SPECC1L: variants seen among roughly 807,000 people sequenced by gnomAD.
SPECC1L encodes the protein cytospin-A.
Under a neutral mutation model 116.8 loss-of-function variants are expected in SPECC1L, and 40 were observed. That is an observed-to-expected ratio of 0.34 (90% CI 0.27 to 0.45). The LOEUF (loss-of-function observed/expected upper bound fraction) is 0.45, where lower values mean the gene tolerates loss of function less well. Among genes scored for constraint, SPECC1L ranks in the 20% least tolerant of loss-of-function variants. SPECC1L has a pLI of 1.00. For missense variants in SPECC1L, 1,110 were observed against 1,373.6 expected (o/e 0.81, Z 3.03); for synonymous variants, 504 against 500.6 (o/e 1.01, Z -0.09).
chr22:24,308,541 G>A (rs1404126587), intron 3 of SPECC1L, among the ~76,000 whole-genome samples: 1 of 152,162 alleles, frequency 6.6e-6, no homozygotes, highest in Admixed American at 6.6e-5. Context: ...TCCATTGTGG[G>A]GGATGTTAAC....
intron 11 of SPECC1L, 73 bp from the exon 12 acceptor site, chr22:24,363,188 C>T (rs2041678675): frequency 7.4e-7 from 1 of 1,347,546 alleles, no homozygotes; most frequent in South Asian, 1.2e-5. Flanking sequence ...GTAAAACTCA[C>T]CTTCTTTGTA....
chr22:24,409,969 C>T (rs749379003), intron 14 of SPECC1L, among the ~76,000 whole-genome samples: 23 of 152,196 alleles, frequency 1.5e-4, no homozygotes, highest in South Asian at 2.1e-4. Flanking sequence ...CCGTCAAGGC[C>T]GCAGTGAGTC....
intron 14 of SPECC1L, among the ~76,000 whole-genome samples, chr22:24,406,680 T>C (rs1424467288): frequency 6.6e-6 from 1 of 152,186 alleles, no homozygotes; most frequent in Non-Finnish European, 1.5e-5. Flanking sequence ...GCCATTTCTC[T>C]GGTGATTCCA....
intron 12 of SPECC1L, 137 bp downstream of exon 12, chr22:24,363,481 C>A: frequency 1.3e-6 from 1 of 779,412 alleles, no homozygotes; most frequent in Non-Finnish European, 2.2e-6. Flanking sequence ...CTCACCTTGG[C>A]CTTCCAAAGT....
At chr22:24,407,336 A>G (rs778136279) in intron 14 of SPECC1L, among the ~76,000 whole-genome samples, 30 of 152,178 alleles carry the variant, frequency 2.0e-4, no homozygotes, top group Non-Finnish European at 3.1e-4. Flanking sequence ...CGGAGGTTCC[A>G]GGTGGGGCGG....
chr22:24,351,982 C>G (rs2041434172), intron 11 of SPECC1L, among the ~76,000 whole-genome samples: 1 of 149,698 alleles, frequency 6.7e-6, no homozygotes, highest in Middle Eastern at 3.5e-3. Flanking sequence ...GAGCGAGACT[C>G]TGTCTCAAAA....
chr22:24,350,617 C>G (rs1170587151), intron 11 of SPECC1L, among the ~76,000 whole-genome samples: 1 of 152,162 alleles, frequency 6.6e-6, no homozygotes, highest in African/African-American at 2.4e-5. Flanking sequence ...TAGCTGCCAG[C>G]AAATAACTAA....
rs199714388 is a variant in SPECC1L, at chr22:24,365,564, G to A, written c.2916G>A (p.Thr972=). The A allele has an allele frequency of 1.7e-4, 269 of 1,614,182 alleles. 1 individual carries two copies. Among genetic ancestry groups the A allele is most frequent in the Non-Finnish European group, 2.1e-4 (245 of 1,180,034 alleles). Residue 972 remains threonine, a synonymous_variant, in exon 13 of 17, where the codon ACG becomes ACA. Transcript: ENST00000314328. ...SPASLMAMGT[T]SPQLSLSSSP... is the part of the protein sequence containing the mutation. Reference sequence around the variant, plus strand: ...CCTCTCTGATGGCTATGGGAACCACGTCTCCACAGCTTTCCCTGTCCTCTT... The same window carrying A: ...CCTCTCTGATGGCTATGGGAACCACATCTCCACAGCTTTCCCTGTCCTCTT...
At chr22:24,398,294 G>A (rs2042405226) in intron 14 of SPECC1L, among the ~76,000 whole-genome samples, 1 of 152,072 alleles carries the variant, frequency 6.6e-6, no homozygotes, top group African/African-American at 2.4e-5. Flanking sequence ...ATGTCATTTT[G>A]TTAAATCTTC....
intron 2 of SPECC1L, among the ~76,000 whole-genome samples, chr22:24,277,272 C>T (rs528338735): frequency 1.1e-4 from 16 of 152,334 alleles, no homozygotes; most frequent in African/African-American, 3.8e-4. Flanking sequence ...CTCCCAGTCT[C>T]CGGTACCCTA....
chr22:24,316,980 C>T (rs1268196765), intron 4 of SPECC1L, among the ~76,000 whole-genome samples: 1 of 119,398 alleles, frequency 8.4e-6, no homozygotes, highest in Non-Finnish European at 1.9e-5. Context: ...CCAGTAGGGG[C>T]GGCCGGGCAG....
intron 14 of SPECC1L, among the ~76,000 whole-genome samples, chr22:24,382,816 T>C (rs2042087323): frequency 6.6e-6 from 1 of 151,538 alleles, no homozygotes; most frequent in Non-Finnish European, 1.5e-5. Context: ...AGCCCAGCAG[T>C]TCGAGGTTAC....
intron 14 of SPECC1L, among the ~76,000 whole-genome samples, chr22:24,405,329 A>AGG (rs2042564478): frequency 1.3e-5 from 2 of 151,916 alleles, no homozygotes; most frequent in Admixed American, 1.3e-4. Flanking sequence ...CATGTGCAGC[A>AGG]ACACATGGAG....
At position 24,317,600 on chromosome 22, in the gene SPECC1L, C is replaced by T. The variant is rs1327657325; in HGVS notation, c.308-3688C>T. ...TCGCCTCCCGGACGGGGCGGCTGGC[C>T]GGGCGGGGGGCTGATCCCCCCACCT... On this transcript the variant is annotated intron_variant, in intron 4 of 16. Coordinates refer to ENST00000314328, the MANE Select transcript of SPECC1L (RefSeq NM_015330.6). 1.6e-3 allele frequency among the ~76,000 whole-genome samples: 234 copies of T among 142,212 alleles called. 2 individuals are homozygous for T. The highest frequency in any genetic ancestry group is 2.8e-3 in the Non-Finnish European group (181 of 64,726). 93.3% of individuals were successfully genotyped at this position (142,212 alleles called of 152,430 possible). A position where few individuals can be genotyped will look rare whatever the true frequency, so the allele number is the denominator to read the frequency against.
rs200934913 is a variant in SPECC1L at position 24,302,248 on chromosome 22, G to A, written c.17G>A (p.Arg6Lys). Residue 6 changes from arginine (R) to lysine (K), a missense_variant, in exon 3 of 17, where the codon AGG (arginine) becomes AAG (lysine). Physicochemically the swap from Arg to Lys is conservative, Grantham distance 26 (BLOSUM62 2). Coordinates refer to ENST00000314328, the MANE Select transcript of SPECC1L (RefSeq NM_015330.6). The stretch of plus-strand genomic sequence containing the variant: ...CAGCCCAGAATGAAGAAAGCAAGCA[G>A]GAGTGTTGGCTCAGTGCCTAAAGTG... MKKASRSVGSVPKVSA... is the reference protein window; with the variant it reads MKKASKSVGSVPKVSA... The A allele has an allele frequency of 1.9e-5, 30 of 1,614,108 alleles. No individual in the cohort carries two copies. The highest frequency in any genetic ancestry group is 2.5e-5 in the Non-Finnish European group (29 of 1,180,014).
At chr22:24,291,299 C>T (rs985073447) in intron 2 of SPECC1L, among the ~76,000 whole-genome samples, 1 of 152,210 alleles carries the variant, frequency 6.6e-6, no homozygotes, top group Admixed American at 6.5e-5. Flanking sequence ...CTAATCCACT[C>T]TCCTTTATAA....
chr22:24,271,899 T>C (rs1490987070), intron 1 of SPECC1L, among the ~76,000 whole-genome samples: 1 of 152,192 alleles, frequency 6.6e-6, no homozygotes, highest in African/African-American at 2.4e-5. Context: ...TTCCCAAGCT[T>C]ATAACAGATA....
chr22:24,387,072 C>T (rs1457445378), intron 14 of SPECC1L, among the ~76,000 whole-genome samples: 1 of 152,140 alleles, frequency 6.6e-6, no homozygotes, highest in Non-Finnish European at 1.5e-5. Flanking sequence ...GGGCTCTAAA[C>T]TGTTCTAGCC....
intron 14 of SPECC1L, among the ~76,000 whole-genome samples, chr22:24,394,031 C>T (rs2042320500): frequency 6.6e-6 from 1 of 152,024 alleles, no homozygotes; most frequent in South Asian, 2.1e-4. Flanking sequence ...CCTTTTTTTC[C>T]CTGAGTGTTA....
Sources: allele counts gnomAD v4.1 joint callset (sites outside exome capture counted in the v4.1 genomes callset), GRCh38; gene constraint gnomAD v4.1.1; transcripts MANE v1.5; gene names NCBI Gene and HGNC (gene_info 2026-07-23, HGNC 2026-07-21).